Variants in PSD3 observed in about 807,000 individuals in gnomAD.
PSD3 encodes PH and SEC7 domain-containing protein 3.
PSD3 carries 49 observed loss-of-function variants against 105.5 expected under a neutral mutation model. The observed-to-expected ratio is 0.46, with a 90% CI of 0.37 to 0.59. PSD3 has a LOEUF of 0.59. Ranked by LOEUF, PSD3 falls within the 20% of genes least tolerant of loss-of-function variation. PSD3 has a pLI of 0.00. For missense variants in PSD3, 1,561 were observed against 1,263.8 expected (o/e 1.24, Z -3.57); for synonymous variants, 557 against 457.8 (o/e 1.22, Z -2.77).
chr8:18,680,423 T>G (rs1322269293), intron 9 of PSD3, among the ~76,000 whole-genome samples: 1 of 152,212 alleles, frequency 6.6e-6, no homozygotes, highest in Non-Finnish European at 1.5e-5. Context: ...CAGCTGGATC[T>G]GACAGCAGGA....
chr8:19,026,804 T>C (rs924631865), intron 1 of PSD3, among the ~76,000 whole-genome samples: 1 of 151,640 alleles, frequency 6.6e-6, no homozygotes, highest in Non-Finnish European at 1.5e-5. Context: ...GTCCAGGAGT[T>C]TGAAGCTGCA....
Position 18,916,803 on chromosome 8 carries a change from G to A in PSD3, c.130+19231C>T, listed in dbSNP as rs544956229. ...TAATTTAATTTAATCATATCACAAC[G>A]AATATATGTATGAAGATATAATACT... On this transcript the variant is annotated intron_variant, in intron 2 of 15. Transcript: ENST00000327040. Among the ~76,000 whole-genome samples, 32 of 151,694 alleles carry A rather than the reference G, an allele frequency of 2.1e-4. No individual in the cohort carries two copies. In the South Asian group the frequency reaches 5.8e-3, roughly 28 times the overall value.
At position 19,013,620 on chromosome 8, in the gene PSD3, G is replaced by A. The variant is rs780074826; in HGVS notation, c.-37C>T. 2.7e-5 allele frequency: 38 copies of A among 1,395,750 alleles called. No individual in the cohort carries two copies. Among genetic ancestry groups the A allele is most frequent in the Non-Finnish European group, 3.4e-5 (37 of 1,080,848 alleles). The allele number at this position is 1,395,750 out of a possible 1,614,324, so 86.5% of individuals were successfully genotyped here. A position where few individuals can be genotyped will look rare whatever the true frequency, so the allele number is the denominator to read the frequency against. On this transcript the variant is annotated 5_prime_UTR_variant, in exon 1 of 16. Coordinates refer to ENST00000327040, the MANE Select transcript of PSD3 (RefSeq NM_015310.4). ...AGCCCGGCCGCGCGCCGAAACCGCC[G>A]CCGGGCGCTCCGGGGCCGCAGCCTC...
chr8:18,803,955 C>T (rs934840335), intron 6 of PSD3, among the ~76,000 whole-genome samples: 8 of 35,422 alleles, frequency 2.3e-4, no homozygotes, highest in Non-Finnish European at 3.7e-4. Flanking sequence ...TATTCTAACA[C>T]GATAAAAAAA....
At chr8:18,703,331 G>C (rs561895695) in intron 9 of PSD3, among the ~76,000 whole-genome samples, 32 of 152,228 alleles carry the variant, frequency 2.1e-4, no homozygotes, top group African/African-American at 6.3e-4. Context: ...TCTCAGCAAG[G>C]GCCTTCAGAG....
chr8:18,717,158 C>T (rs1242618796), intron 9 of PSD3, among the ~76,000 whole-genome samples: 3 of 152,010 alleles, frequency 2.0e-5, no homozygotes, highest in Non-Finnish European at 4.4e-5. Context: ...AATATGCAAC[C>T]TAAAGCCAAA....
intron 11 of PSD3, among the ~76,000 whole-genome samples, chr8:18,617,512 C>T (rs1169771084): frequency 6.6e-6 from 1 of 152,134 alleles, no homozygotes; most frequent in African/African-American, 2.4e-5. Context: ...GCCTGGGTGA[C>T]AAGAGCGAAA....
Position 18,799,290 on chromosome 8 carries a change from C to A in PSD3, c.2082+5G>T, listed in dbSNP as rs1440727376. 6.3e-7 allele frequency: 1 copy of A among 1,597,162 alleles called. No individual in the cohort carries two copies. Among genetic ancestry groups the A allele is most frequent in the East Asian group, 2.2e-5 (1 of 44,760 alleles). On this transcript the variant is annotated splice_donor_5th_base_variant and intron_variant, in intron 8 of 15. Coordinates refer to ENST00000327040, the MANE Select transcript of PSD3 (RefSeq NM_015310.4). ...TGGATCTAAGTTTCACAAATCCACA[C>A]TTACGTGGCCATGTAGATCGGTATT...
chr8:18,556,479 G>A (rs998946450), intron 14 of PSD3, 127 bp from the exon 15 acceptor site: 2 of 907,002 alleles, frequency 2.2e-6, no homozygotes, highest in South Asian at 3.4e-5. Context: ...ATGTGCCTCT[G>A]CTGCCACATC....
intron 1 of PSD3, among the ~76,000 whole-genome samples, chr8:19,041,986 T>C (rs566120638): frequency 8.5e-5 from 13 of 152,174 alleles, no homozygotes; most frequent in Non-Finnish European, 1.3e-4. Context: ...TTTAACTTTT[T>C]CATAATTCAG....
chr8:18,597,110 C>CA lies in PSD3; in HGVS notation c.2481+3253_2481+3254insT, dbSNP rs201311155. Among the ~76,000 whole-genome samples the CA allele has an allele frequency of 9.6e-4, 38 of 39,592 alleles. 10 individuals are homozygous for CA. Among genetic ancestry groups the CA allele is most frequent in the East Asian group, 3.1e-3 (2 of 650 alleles). 26.0% of individuals were successfully genotyped at this position (39,592 alleles called of 152,430 possible). A position where few individuals can be genotyped will look rare whatever the true frequency, so the allele number is the denominator to read the frequency against. On this transcript the variant is annotated intron_variant, in intron 12 of 15. Transcript: ENST00000327040. ...GAATTCAACAGTACATTAAAAGGAT[C>CA]TACAACTATCTGATCTTTGACAAAC... is the stretch of plus-strand genomic sequence containing the variant.
intron 9 of PSD3, among the ~76,000 whole-genome samples, chr8:18,667,799 C>A (rs908788490): frequency 6.6e-6 from 1 of 152,196 alleles, no homozygotes; most frequent in South Asian, 2.1e-4. Context: ...TCAGGCATGG[C>A]GGGCTGCAGA....
intron 8 of PSD3, among the ~76,000 whole-genome samples, chr8:18,779,159 A>G (rs1336919914): frequency 6.6e-6 from 1 of 152,106 alleles, no homozygotes; most frequent in Non-Finnish European, 1.5e-5. Context: ...CAGGTGTTCT[A>G]TTTCTTCATG....
intron 15 of PSD3, among the ~76,000 whole-genome samples, chr8:18,552,319 T>C (rs919974052): frequency 6.6e-6 from 1 of 152,240 alleles, no homozygotes; most frequent in Admixed American, 6.5e-5. Context: ...GTAATCATCT[T>C]AAACGTTGCA....
chr8:18,763,842 G>A (rs1178326117), intron 9 of PSD3, among the ~76,000 whole-genome samples: 1 of 152,098 alleles, frequency 6.6e-6, no homozygotes, highest in Non-Finnish European at 1.5e-5. Context: ...CAATTACCAT[G>A]CTAACCACCA....
At chr8:18,769,260 A>C (rs1180076148) in intron 8 of PSD3, among the ~76,000 whole-genome samples, 1 of 152,222 alleles carries the variant, frequency 6.6e-6, no homozygotes, top group Non-Finnish European at 1.5e-5. Context: ...AGGAAGGTCT[A>C]ATTTAGTCAT....
intron 4 of PSD3, among the ~76,000 whole-genome samples, chr8:18,819,428 A>G (rs1812500731): frequency 6.6e-6 from 1 of 152,092 alleles, no homozygotes. Flanking sequence ...AAACAAAAAA[A>G]GCCCTCCCCA....
chr8:18,735,037 C>T (rs908146842), intron 9 of PSD3, among the ~76,000 whole-genome samples: 5 of 152,122 alleles, frequency 3.3e-5, no homozygotes, highest in Non-Finnish European at 7.4e-5. Context: ...GCACATACGC[C>T]GAGGACCACT....
intron 8 of PSD3, among the ~76,000 whole-genome samples, chr8:18,782,439 T>C (rs1808728518): frequency 6.6e-6 from 1 of 152,194 alleles, no homozygotes; most frequent in South Asian, 2.1e-4. Flanking sequence ...TGACTATCTT[T>C]AGCATCAGTG....
Sources: allele counts gnomAD v4.1 joint callset (sites outside exome capture counted in the v4.1 genomes callset), GRCh38; gene constraint gnomAD v4.1.1; transcripts MANE v1.5; gene names NCBI Gene and HGNC (gene_info 2026-07-23, HGNC 2026-07-21).